The following TICRR variants were observed in gnomAD, a reference collection of about 807,000 sequenced individuals.
The protein encoded by TICRR is TOPBP1 interacting checkpoint and replication regulator, also known as treslin.
A neutral mutation model predicts 178.1 loss-of-function variants in TICRR; 132 were observed. The ratio of observed to expected loss-of-function variants is 0.74; its 90% CI spans 0.64 to 0.86. TICRR has a LOEUF of 0.86. Ranked by LOEUF, TICRR falls within the 40% of genes least tolerant of loss-of-function variation. The pLI is 0.00. For synonymous variants in TICRR, 991 were observed against 900.7 expected, an observed-to-expected ratio of 1.10 and a Z score of -1.79; for missense variants, 2,587 against 2,334.3, an observed-to-expected ratio of 1.11 and a Z score of -2.23.
intron 17 of TICRR, among the ~76,000 whole-genome samples, chr15:89,619,221 C>CTTTTT (rs386383750): frequency 0.024 from 2,695 of 111,760 alleles, 70 homozygotes; most frequent in African/African-American, 0.029. Flanking sequence ...CACCATTCTT[C>CTTTTT]TTTTTTTTTT....
At position 89,627,437 on chromosome 15, in the gene TICRR, C is replaced by T. The variant is rs889546954; in HGVS notation, c.*351C>T. 1.9e-5 allele frequency: 5 copies of T among 257,534 alleles called. No homozygotes were observed. The highest frequency in any genetic ancestry group is 3.7e-5 in the Non-Finnish European group (5 of 134,870). 16.0% of individuals were successfully genotyped at this position (257,534 alleles called of 1,614,324 possible). A position where few individuals can be genotyped will look rare whatever the true frequency, so the allele number is the denominator to read the frequency against. Reference sequence around the variant, plus strand: ...TCATTTATGCAAATGGAGAAAGGCGCCCTCCCTGGGGTCCCTTGAGCTGCT... The same window carrying T: ...TCATTTATGCAAATGGAGAAAGGCGTCCTCCCTGGGGTCCCTTGAGCTGCT... On this transcript the variant is annotated 3_prime_UTR_variant, in exon 22 of 22. Coordinates refer to ENST00000268138, the MANE Select transcript of TICRR (RefSeq NM_152259.4).
chr15:89,576,305 C>G, intron 1 of TICRR, 65 bp downstream of exon 1: 4 of 1,435,498 alleles, frequency 2.8e-6, no homozygotes. Flanking sequence ...CAGAACTTGG[C>G]AGCGTCCTTA....
intron 1 of TICRR, chr15:89,582,426 T>C (rs1962744188): frequency 1.9e-5 from 8 of 411,798 alleles, no homozygotes; most frequent in Non-Finnish European, 3.5e-5. Context: ...CTTCTTTCTG[T>C]TCCTTGACAA....
chr15:89,601,253 A>T, intron 9 of TICRR, 45 bp from the exon 10 acceptor site: 1 of 1,555,978 alleles, frequency 6.4e-7, no homozygotes, highest in Non-Finnish European at 8.8e-7. Flanking sequence ...CTTTTTGTTT[A>T]GTGACATCCA....
intron 18 of TICRR, among the ~76,000 whole-genome samples, chr15:89,620,088 G>C (rs1963400079): frequency 1.3e-5 from 2 of 152,170 alleles, no homozygotes; most frequent in Admixed American, 1.3e-4. Context: ...TCAAGAGGAA[G>C]CTACCCATAA....
intron 4 of TICRR, among the ~76,000 whole-genome samples, chr15:89,591,280 C>T (rs1178816058): frequency 2.0e-5 from 3 of 152,134 alleles, no homozygotes; most frequent in Admixed American, 6.5e-5. Context: ...CCTGCCACCA[C>T]GCCCAGCTAA....
chr15:89,582,196 T>C (rs1962738296), intron 1 of TICRR: 1 of 152,458 alleles, frequency 6.6e-6, no homozygotes, highest in Non-Finnish European at 1.5e-5. Flanking sequence ...TGGTGGCGCA[T>C]TTCTGTAATC....
rs1963483566 is a variant in TICRR, at chr15:89,624,670, C to G, written c.4360C>G (p.Pro1454Ala). 1 of 1,614,090 alleles carries G rather than the reference C, an allele frequency of 6.2e-7. No homozygotes were observed. ...CAGGAGTGATTGGCATGCATCCTCT[C>G]CTCTGCTCATTACAAGTGACACAGA... is the stretch of plus-strand genomic sequence containing the variant. ...GLRSDWHASSPLLITSDTEHV... is the reference protein window; with the variant it reads ...GLRSDWHASSALLITSDTEHV... Residue 1454 changes from proline (P) to alanine (A), a missense_variant, in exon 20 of 22, where the codon CCT becomes GCT. Coordinates refer to ENST00000268138, the MANE Select transcript of TICRR (RefSeq NM_152259.4).
chr15:89,601,406 T>A lies in TICRR; in HGVS notation c.2247+15T>A. On this transcript the variant is annotated intron_variant, in intron 10 of 21. Coordinates refer to ENST00000268138, the MANE Select transcript of TICRR (RefSeq NM_152259.4). ...TAGTGGAGGAGGCAAGTATATAGTT[T>A]CGTGCCATTGAAATACGCCCTAGAT... is the stretch of plus-strand genomic sequence containing the variant. The A allele has an allele frequency of 1.2e-6, 2 of 1,613,518 alleles. No individual in the cohort carries two copies. Among genetic ancestry groups the A allele is most frequent in the Non-Finnish European group, 1.7e-6 (2 of 1,179,408 alleles).
intron 3 of TICRR, among the ~76,000 whole-genome samples, chr15:89,585,366 GCTT>G (rs994492483): frequency 2.6e-5 from 4 of 152,170 alleles, no homozygotes; most frequent in African/African-American, 9.7e-5. Flanking sequence ...TAAGTAGGTG[GCTT>G]TAACAGGTTA....
Position 89,623,535 on chromosome 15 carries a change from C to A in TICRR, c.3313-88C>A, listed in dbSNP as rs567329398. On this transcript the variant is annotated intron_variant, in intron 19 of 21. Transcript: ENST00000268138. ...ATCATTCCTTTGGCTGACTATAAAT[C>A]TCCCATTTGGTCTTAGAGATTACTA... The A allele has an allele frequency of 2.3e-6, 3 of 1,302,328 alleles. No individual in the cohort carries two copies. In the African/African-American group the frequency reaches 4.5e-5, roughly 19 times the overall value. 80.7% of individuals were successfully genotyped at this position (1,302,328 alleles called of 1,614,324 possible). A position where few individuals can be genotyped will look rare whatever the true frequency, so the allele number is the denominator to read the frequency against.
chr15:89,625,868 C>T, intron 20 of TICRR, 68 bp from the exon 21 acceptor site: 2 of 1,543,578 alleles, frequency 1.3e-6, no homozygotes, highest in Admixed American at 4.0e-5. Flanking sequence ...GGAGTTGCTT[C>T]TTGGGAGGCC....
Position 89,609,100 on chromosome 15 carries a change from C to CTTTTTTT in TICRR, c.2869+173_2869+179dup, listed in dbSNP as rs59398617. 198 of 84,900 alleles carry CTTTTTTT rather than the reference C, an allele frequency of 2.3e-3. 26 individuals are homozygous for CTTTTTTT. The highest frequency in any genetic ancestry group is 6.3e-3 in the Middle Eastern group (1 of 158). 5.3% of individuals were successfully genotyped at this position (84,900 alleles called of 1,614,324 possible). A position where few individuals can be genotyped will look rare whatever the true frequency, so the allele number is the denominator to read the frequency against. Reference sequence around the variant, plus strand: ...CTAAAGGTTTGTCAATTTTGTTAATCTTTTTTTTTTTTTTTTTTTTTTTTT... The same window carrying CTTTTTTT: ...CTAAAGGTTTGTCAATTTTGTTAATCTTTTTTTTTTTTTTTTTTTTTTTTTTTTTTTT... On this transcript the variant is annotated intron_variant, in intron 15 of 21. Coordinates refer to ENST00000268138, the MANE Select transcript of TICRR (RefSeq NM_152259.4).
chr15:89,612,007 G>A (rs1175752126), intron 15 of TICRR, among the ~76,000 whole-genome samples: 1 of 151,940 alleles, frequency 6.6e-6, no homozygotes, highest in African/African-American at 2.4e-5. Context: ...CTCTTTTCTG[G>A]TAAATAGGCC....
At chr15:89,594,632 A>T in intron 6 of TICRR, 78 bp downstream of exon 6, 1 of 1,319,664 alleles carries the variant, frequency 7.6e-7, no homozygotes. Context: ...ATTTCCTGAA[A>T]TGAGGTTGAA....
At chr15:89,584,252 T>C in intron 2 of TICRR, 34 bp from the exon 3 acceptor site, 1 of 1,537,386 alleles carries the variant, frequency 6.5e-7, no homozygotes, top group Non-Finnish European at 8.7e-7. Flanking sequence ...AAATTTTAAT[T>C]TGGCATCCTG....
intron 7 of TICRR, among the ~76,000 whole-genome samples, chr15:89,597,552 ATATT>A (rs1341239885): frequency 4.0e-5 from 6 of 151,422 alleles, no homozygotes. Context: ...TCCGTTTACT[ATATT>A]TATGTAGGTC....
In TICRR at chr15:89,626,334, C is replaced by T. The variant is rs375496569; in HGVS notation, c.5602+273C>T. Among the ~76,000 whole-genome samples, 5 of 152,364 alleles carry T rather than the reference C, an allele frequency of 3.3e-5. No homozygotes were observed. In the East Asian group the frequency reaches 5.8e-4, roughly 18 times the overall value. On this transcript the variant is annotated intron_variant, in intron 21 of 21. Coordinates refer to ENST00000268138, the MANE Select transcript of TICRR (RefSeq NM_152259.4). ...GGGCTTGCCGCAACATGCTGCTCAT[C>T]TGCAGTCTAAGAATCTGAACAGGAA...
intron 7 of TICRR, among the ~76,000 whole-genome samples, chr15:89,598,367 G>GTTTC (rs1254252953): frequency 1.3e-5 from 2 of 151,836 alleles, no homozygotes; most frequent in Non-Finnish European, 2.9e-5. Flanking sequence ...TAAATTGTTT[G>GTTTC]TTTGTTTGTT....
Sources: allele counts gnomAD v4.1 joint callset (sites outside exome capture counted in the v4.1 genomes callset), GRCh38; gene constraint gnomAD v4.1.1; transcripts MANE v1.5; gene names NCBI Gene and HGNC (gene_info 2026-07-23, HGNC 2026-07-21).